Variants in PHF20L1 observed in about 807,000 individuals in gnomAD.
PHF20L1 encodes PHD finger protein 20 like 1.
A neutral mutation model predicts 125.5 loss-of-function variants in PHF20L1; 44 were observed. The observed-to-expected ratio is 0.35, with a 90% CI of 0.28 to 0.45. The LOEUF is 0.45. PHF20L1 is among the 20% of genes least tolerant of loss of function. The pLI is 1.00. For missense variants in PHF20L1, 1,012 were observed against 1,217.2 expected, an observed-to-expected ratio of 0.83 and a Z score of 2.51; for synonymous variants, 380 against 403.1, an observed-to-expected ratio of 0.94 and a Z score of 0.69.
At chr8:132,838,165 G>T (rs1337654616) in intron 17 of PHF20L1, 3 of 193,262 alleles carry the variant, frequency 1.6e-5, no homozygotes, top group Non-Finnish European at 3.3e-5. Flanking sequence ...TTTCCACATT[G>T]ATTACTTAGA....
intron 15 of PHF20L1, among the ~76,000 whole-genome samples, chr8:132,836,028 A>T (rs574085061): frequency 1.3e-5 from 2 of 152,090 alleles, no homozygotes; most frequent in African/African-American, 2.4e-5. Context: ...TTCAAAAAGC[A>T]CTTTATTAAT....
chr8:132,794,950 G>A (rs547820984), intron 4 of PHF20L1, 133 bp downstream of exon 4: 27 of 614,054 alleles, frequency 4.4e-5, no homozygotes, highest in South Asian at 1.6e-4. Context: ...ATTCTTTTTC[G>A]GGAGCATTTG....
At chr8:132,844,033 C>T (rs1234079636) in intron 19 of PHF20L1, 123 bp from the exon 20 acceptor site, 2 of 1,469,836 alleles carry the variant, frequency 1.4e-6, no homozygotes, top group Non-Finnish European at 1.8e-6. Flanking sequence ...TTAAAGATAC[C>T]CCTGGAGTCA....
At chr8:132,816,303 G>T (rs1458392463) in intron 10 of PHF20L1, 1 of 150,996 alleles carries the variant, frequency 6.6e-6, no homozygotes, top group African/African-American at 2.4e-5. Flanking sequence ...CTCACAATAA[G>T]TATACAAAGT....
At chr8:132,793,709 C>G (rs926018870) in intron 2 of PHF20L1, among the ~76,000 whole-genome samples, 2 of 152,094 alleles carry the variant, frequency 1.3e-5, no homozygotes, top group African/African-American at 4.8e-5. Context: ...CATGTGAAGA[C>G]AGAACAATGA....
At chr8:132,840,280 C>T (rs1431550084) in intron 18 of PHF20L1, among the ~76,000 whole-genome samples, 1 of 152,126 alleles carries the variant, frequency 6.6e-6, no homozygotes, top group African/African-American at 2.4e-5. Context: ...CTTCCCTTCC[C>T]ATCCTTGTGT....
At chr8:132,815,003 A>G (rs1834793781) in intron 10 of PHF20L1, 114 bp downstream of exon 10, 1 of 732,406 alleles carries the variant, frequency 1.4e-6, no homozygotes, top group South Asian at 2.1e-5. Context: ...TCAAGTGGAT[A>G]TGATAGGGAA....
Position 132,832,291 on chromosome 8 carries a change from C to G in PHF20L1, c.1801C>G (p.Leu601Val). Residue 601 changes from leucine (L) to valine (V), a missense_variant, in exon 15 of 21, where the codon CTA (leucine) becomes GTA (valine). Physicochemically the swap from Leu to Val is conservative, Grantham distance 32. Around this residue, in one of 7 missense-constraint regions of PHF20L1, gnomAD observed 320 missense variants for 293.8 expected, o/e 1.09. Transcript: ENST00000395386. Reference sequence around the variant, plus strand: ...ATTTTTGGAAAGGTGCTCTTCTCCACTAACTCGATCTTCTGGGAGTTCTCT... The same window carrying G: ...ATTTTTGGAAAGGTGCTCTTCTCCAGTAACTCGATCTTCTGGGAGTTCTCT... The part of the protein sequence containing the change: ...LEFLERCSSP[L>V]TRSSGSSLAS... The G allele has an allele frequency of 6.2e-7, 1 of 1,607,838 alleles. No individual in the cohort carries two copies. The highest frequency in any genetic ancestry group is 1.3e-5 in the African/African-American group (1 of 74,858).
chr8:132,843,575 T>A (rs1838148801), intron 19 of PHF20L1: 1 of 983,688 alleles, frequency 1.0e-6, no homozygotes, highest in African/African-American at 1.8e-5. Flanking sequence ...ATGTGCAAAA[T>A]GAGTTATCTC....
intron 2 of PHF20L1, among the ~76,000 whole-genome samples, chr8:132,786,405 CTT>C (rs1384213301): frequency 2.6e-5 from 4 of 152,052 alleles, no homozygotes; most frequent in African/African-American, 9.7e-5. Context: ...TTTCCATACT[CTT>C]TGGTCTAACA....
At position 132,825,255 on chromosome 8, in the gene PHF20L1, A is replaced by T; in HGVS notation, c.1637-9A>T. On this transcript the variant is annotated splice_polypyrimidine_tract_variant and intron_variant, in intron 13 of 20. Transcript: ENST00000395386. The stretch of plus-strand genomic sequence containing the variant: ...CGTGATTGCTAAAGTATTCACTTTT[A>T]TCTTTTAGGTAAGAGAAAAGAAAAA... 3 of 1,593,072 alleles carry T rather than the reference A, an allele frequency of 1.9e-6. No individual in the cohort carries two copies. Among genetic ancestry groups the T allele is most frequent in the Non-Finnish European group, 2.6e-6 (3 of 1,165,450 alleles).
At chr8:132,819,577 T>G (rs1351424625) in intron 12 of PHF20L1, among the ~76,000 whole-genome samples, 4 of 151,778 alleles carry the variant, frequency 2.6e-5, no homozygotes, top group Admixed American at 2.6e-4. Context: ...TTAACCTTTT[T>G]GTTATTCACC....
chr8:132,835,017 T>A (rs1370166634), intron 15 of PHF20L1, among the ~76,000 whole-genome samples: 1 of 152,058 alleles, frequency 6.6e-6, no homozygotes, highest in Non-Finnish European at 1.5e-5. Flanking sequence ...AAACACTAAA[T>A]CATGTGAAAA....
intron 2 of PHF20L1, among the ~76,000 whole-genome samples, chr8:132,791,505 G>A (rs765584988): frequency 2.0e-5 from 3 of 151,920 alleles, no homozygotes; most frequent in Admixed American, 6.6e-5. Context: ...CACCCACCTC[G>A]GCCTCCCAAA....
chr8:132,792,866 G>A (rs1056187935), intron 2 of PHF20L1, among the ~76,000 whole-genome samples: 7 of 151,756 alleles, frequency 4.6e-5, no homozygotes, highest in East Asian at 1.9e-4. Flanking sequence ...CTTTATCTCC[G>A]TCTCGTTGAC....
At chr8:132,815,520 A>G (rs755532833) in intron 10 of PHF20L1, 2 of 151,880 alleles carry the variant, frequency 1.3e-5, no homozygotes, top group Non-Finnish European at 2.9e-5. Flanking sequence ...AGTTTCTCAT[A>G]TTAGTTTAGT....
intron 2 of PHF20L1, among the ~76,000 whole-genome samples, chr8:132,782,775 T>C (rs1830582733): frequency 6.6e-6 from 1 of 151,128 alleles, no homozygotes; most frequent in Non-Finnish European, 1.5e-5. Flanking sequence ...TCTTTTTCTT[T>C]TTTTTTTTTT....
At chr8:132,820,918 T>C (rs1385134691) in intron 12 of PHF20L1, among the ~76,000 whole-genome samples, 1 of 151,922 alleles carries the variant, frequency 6.6e-6, no homozygotes, top group Non-Finnish European at 1.5e-5. Context: ...ATTCTTGTAT[T>C]AAAAGAAATA....
At chr8:132,798,998 GA>G in intron 5 of PHF20L1, 96 bp from the exon 6 acceptor site, 1 of 1,203,716 alleles carries the variant, frequency 8.3e-7, no homozygotes, top group Non-Finnish European at 1.2e-6. Context: ...ATAGCAGCAA[GA>G]AAAGGAAGCT....
Sources: allele counts gnomAD v4.1 joint callset (sites outside exome capture counted in the v4.1 genomes callset), GRCh38; gene constraint gnomAD v4.1.1; regional missense constraint gnomAD v4.1.1; transcripts MANE v1.5; gene names NCBI Gene and HGNC (gene_info 2026-07-23, HGNC 2026-07-21).